The following PCDHA9 variants were observed in gnomAD, a reference collection of about 807,000 sequenced individuals.
PCDHA9 encodes protocadherin alpha-9.
Under a neutral mutation model 62.0 loss-of-function variants are expected in PCDHA9, and 62 were observed. The ratio of observed to expected loss-of-function variants is 1.00; its 90% CI spans 0.81 to 1.23. PCDHA9 has a LOEUF of 1.23. Among genes scored for constraint, PCDHA9 ranks in the 50% most tolerant of loss-of-function variants. The probability of loss-of-function intolerance (pLI) is 0.00; values close to 1 mark genes in which losing one functional copy is unlikely to be tolerated. For synonymous variants in PCDHA9, 557 were observed against 567.6 expected (o/e 0.98, Z 0.27); for missense variants, 1,205 against 1,249.8 (o/e 0.96, Z 0.54).
chr5:140,991,152 C>A (rs533894396), intron 3 of PCDHA9, among the ~76,000 whole-genome samples: 29 of 152,168 alleles, frequency 1.9e-4, no homozygotes, highest in Non-Finnish European at 3.2e-4. Flanking sequence ...TTTTGCTCAC[C>A]ATTGTATTCC....
chr5:140,941,960 A>G (rs569784391), intron 1 of PCDHA9, among the ~76,000 whole-genome samples: 6 of 152,354 alleles, frequency 3.9e-5, no homozygotes, highest in African/African-American at 1.4e-4. Flanking sequence ...AAACAATAGT[A>G]TCTTTACTTT....
In PCDHA9 at chr5:140,928,627, T is replaced by G. The variant is rs782634688; in HGVS notation, c.2395-50322T>G. The G allele has an allele frequency of 1.5e-5, 24 of 1,614,220 alleles. No homozygotes were observed. The highest frequency in any genetic ancestry group is 1.9e-5 in the Non-Finnish European group (23 of 1,180,026). On this transcript the variant is annotated intron_variant, in intron 1 of 3. Transcript: ENST00000532602. ...GCCCCGCTCTGCCAGGACTGGACAC[T>G]TGGTCACAAAAGTGGTAGCAGAGGA...
At position 140,856,418 on chromosome 5, in the gene PCDHA9, G is replaced by A. The variant is rs782470045; in HGVS notation, c.2394+5529G>A. 17 of 1,598,338 alleles carry A rather than the reference G, an allele frequency of 1.1e-5. 1 individual carries two copies. The Admixed American group carries it at 1.2e-4, about 11-fold the overall frequency. On this transcript the variant is annotated intron_variant, in intron 1 of 3. Transcript: ENST00000532602. ...TTTCCATGTGGACGTGGAAGTGAAGGACATTAACGACAACCCGCCCAGGTT... is the reference window on the plus strand; with the variant it reads ...TTTCCATGTGGACGTGGAAGTGAAGAACATTAACGACAACCCGCCCAGGTT...
At position 140,924,416 on chromosome 5, in the gene PCDHA9, T is replaced by A. The variant is rs1283567998; in HGVS notation, c.2395-54533T>A. 1.3e-5 allele frequency among the ~76,000 whole-genome samples: 2 copies of A among 152,192 alleles called. 1 individual carries two copies. The highest frequency in any genetic ancestry group is 4.1e-4 in the South Asian group (2 of 4,830). ...TATTGCCTTATATCACAGTGTGCCC[T>A]TTCTAGTTCCCTAGAAGAGATAACG... is the stretch of plus-strand genomic sequence containing the variant. On this transcript the variant is annotated intron_variant, in intron 1 of 3. Coordinates refer to ENST00000532602, the MANE Select transcript of PCDHA9 (RefSeq NM_031857.2).
At chr5:140,919,355 A>C (rs2079096245) in intron 1 of PCDHA9, among the ~76,000 whole-genome samples, 1 of 152,174 alleles carries the variant, frequency 6.6e-6, no homozygotes, top group South Asian at 2.1e-4. Flanking sequence ...TTGAATCTAA[A>C]AGTGTCTCCT....
intron 1 of PCDHA9, among the ~76,000 whole-genome samples, chr5:140,872,509 C>A (rs1554166234): frequency 6.6e-6 from 1 of 152,076 alleles, no homozygotes; most frequent in Non-Finnish European, 1.5e-5. Flanking sequence ...TGCCTGTAGT[C>A]CCAGTTTCTT....
At chr5:140,962,203 C>T (rs1431150597) in intron 1 of PCDHA9, among the ~76,000 whole-genome samples, 1 of 152,086 alleles carries the variant, frequency 6.6e-6, no homozygotes, top group African/African-American at 2.4e-5. Flanking sequence ...CTTCCTATCT[C>T]CTTATTGATC....
chr5:140,874,545 A>G (rs1362898895), intron 1 of PCDHA9, among the ~76,000 whole-genome samples: 1 of 152,240 alleles, frequency 6.6e-6, no homozygotes, highest in Non-Finnish European at 1.5e-5. Context: ...AAAACCCTTT[A>G]AGAGATCTTT....
chr5:140,955,036 T>C (rs2095128891), intron 1 of PCDHA9, among the ~76,000 whole-genome samples: 1 of 152,210 alleles, frequency 6.6e-6, no homozygotes, highest in Non-Finnish European at 1.5e-5. Context: ...AGGGAATCTT[T>C]TCCTCATTGC....
At chr5:140,873,718 T>C (rs1259445115) in intron 1 of PCDHA9, among the ~76,000 whole-genome samples, 1 of 152,216 alleles carries the variant, frequency 6.6e-6, no homozygotes, top group East Asian at 1.9e-4. Context: ...TGGTGTGCAG[T>C]GGCGCAATCT....
In PCDHA9 at chr5:140,848,930, C is replaced by G; in HGVS notation, c.435C>G (p.Ser145=). 2 of 1,607,642 alleles carry G rather than the reference C, an allele frequency of 1.2e-6. No homozygotes were observed. The highest frequency in any genetic ancestry group is 1.7e-6 in the Non-Finnish European group (2 of 1,176,882). Residue 145 remains serine (S), a synonymous_variant, in exon 1 of 4, where the codon TCC becomes TCG. Transcript: ENST00000532602. ...ATQKNLFIAE[S]RPLDSRFPLE... ...AAAAGAATCTGTTCATCGCGGAATC[C>G]AGGCCGCTTGACTCTCGGTTTCCAC...
chr5:140,955,975 A>G (rs2095244010), intron 1 of PCDHA9, among the ~76,000 whole-genome samples: 1 of 152,112 alleles, frequency 6.6e-6, no homozygotes, highest in Admixed American at 6.6e-5. Flanking sequence ...TAGGAATGCT[A>G]GCAATTTTTG....
chr5:141,004,632 GA>G (rs1401867459), intron 3 of PCDHA9, among the ~76,000 whole-genome samples: 19 of 152,200 alleles, frequency 1.2e-4, no homozygotes, highest in African/African-American at 3.4e-4. Context: ...TATGGTTGAA[GA>G]AAAATTTCCA....
Position 141,010,271 on chromosome 5 carries a change from C to T in PCDHA9, c.*334C>T, listed in dbSNP as rs1031489236. The T allele has an allele frequency of 5.5e-5, 85 of 1,551,586 alleles. No individual in the cohort carries two copies. The highest frequency in any genetic ancestry group is 7.2e-5 in the Non-Finnish European group (83 of 1,146,992). On this transcript the variant is annotated 3_prime_UTR_variant, in exon 4 of 4. Coordinates refer to ENST00000532602, the MANE Select transcript of PCDHA9 (RefSeq NM_031857.2). ...CTCTCTGCCCTGTGCTCCGGGGATCCTGTCTTGATGACACTTGCAGGGCAG... is the reference window on the plus strand; with the variant it reads ...CTCTCTGCCCTGTGCTCCGGGGATCTTGTCTTGATGACACTTGCAGGGCAG...
At chr5:140,991,691 A>G (rs2153897191) in intron 3 of PCDHA9, among the ~76,000 whole-genome samples, 1 of 152,286 alleles carries the variant, frequency 6.6e-6, no homozygotes, top group Middle Eastern at 3.4e-3. Flanking sequence ...TCTCTAGTAG[A>G]GCCATTAATA....
intron 1 of PCDHA9, among the ~76,000 whole-genome samples, chr5:140,914,693 G>C (rs1554196535): frequency 7.9e-5 from 12 of 151,662 alleles, no homozygotes; most frequent in Non-Finnish European, 1.8e-4. Flanking sequence ...TTCTCTGGTG[G>C]TATGATTTAA....
intron 1 of PCDHA9, among the ~76,000 whole-genome samples, chr5:140,886,716 C>T (rs1160663504): frequency 1.3e-5 from 2 of 151,034 alleles, no homozygotes; most frequent in Non-Finnish European, 2.9e-5. Flanking sequence ...ATCCCAGCTA[C>T]TTGGGAGGCT....
intron 1 of PCDHA9, chr5:140,856,917 G>C (rs782649806): frequency 6.3e-7 from 1 of 1,595,592 alleles, no homozygotes; most frequent in Non-Finnish European, 8.6e-7. Context: ...ACGATAAGAA[G>C]GAAATTTTGG....
At position 140,870,930 on chromosome 5, in the gene PCDHA9, A is replaced by G. The variant is rs373236202; in HGVS notation, c.2394+20041A>G. ...GCTACAACGCGTGGCTTTCATATGA[A>G]TTGCAGCCGGCGGCGGGCGGCTCGC... On this transcript the variant is annotated intron_variant, in intron 1 of 3. Coordinates refer to ENST00000532602, the MANE Select transcript of PCDHA9 (RefSeq NM_031857.2). 1.9e-6 allele frequency: 3 copies of G among 1,613,850 alleles called. No homozygotes were observed. The East Asian group carries it at 6.7e-5, about 36-fold the overall frequency.
Sources: allele counts gnomAD v4.1 joint callset (sites outside exome capture counted in the v4.1 genomes callset), GRCh38; gene constraint gnomAD v4.1.1; transcripts MANE v1.5; gene names NCBI Gene and HGNC (gene_info 2026-07-23, HGNC 2026-07-21).